The following CNTNAP2 variants were observed in gnomAD, a reference collection of about 807,000 sequenced individuals.
CNTNAP2 encodes contactin-associated protein-like 2.
A neutral mutation model predicts 155.2 loss-of-function variants in CNTNAP2; 98 were observed. That is an observed-to-expected ratio of 0.63 (90% CI 0.54 to 0.75). CNTNAP2 has a LOEUF of 0.75. Ranked by LOEUF, CNTNAP2 falls within the 30% of genes least tolerant of loss-of-function variation. The pLI, the probability that CNTNAP2 is intolerant of heterozygous loss-of-function variation, is 0.00. For synonymous variants in CNTNAP2, 651 were observed against 631.2 expected, an observed-to-expected ratio of 1.03 and a Z score of -0.47; for missense variants, 1,727 against 1,688.1, an observed-to-expected ratio of 1.02 and a Z score of -0.40.
At position 146,966,408 on chromosome 7, in the gene CNTNAP2, A is replaced by G. The variant is rs1797657844; in HGVS notation, c.403-77499A>G. 3.3e-5 allele frequency among the ~76,000 whole-genome samples: 5 copies of G among 152,328 alleles called. No individual in the cohort carries two copies. In the South Asian group the frequency reaches 1.0e-3, roughly 32 times the overall value. On this transcript the variant is annotated intron_variant, in intron 3 of 23. Coordinates refer to ENST00000361727, the MANE Select transcript of CNTNAP2 (RefSeq NM_014141.6). ...GGAATTCTCCTGCCAGGGAGCATTC[A>G]CTGTGCCCAAGAGCTCAGGCTGTGC...
intron 13 of CNTNAP2, among the ~76,000 whole-genome samples, chr7:147,703,859 C>T (rs983522585): frequency 5.9e-5 from 9 of 152,156 alleles, no homozygotes; most frequent in African/African-American, 2.2e-4. Flanking sequence ...CTCGCTCCCC[C>T]ATGCACACAC....
intron 1 of CNTNAP2, among the ~76,000 whole-genome samples, chr7:146,431,022 A>T (rs1012769431): frequency 8.6e-5 from 13 of 151,992 alleles, no homozygotes; most frequent in Non-Finnish European, 7.4e-5. Flanking sequence ...CATATTGAGA[A>T]CTGCTGTAAT....
chr7:147,436,614 G>C (rs919200660), intron 10 of CNTNAP2, among the ~76,000 whole-genome samples: 1 of 152,162 alleles, frequency 6.6e-6, no homozygotes, highest in African/African-American at 2.4e-5. Context: ...TAACAGAAGA[G>C]AGAGGCTGTA....
chr7:146,820,656 G>T (rs1317219204), intron 2 of CNTNAP2, among the ~76,000 whole-genome samples: 1 of 152,108 alleles, frequency 6.6e-6, no homozygotes, highest in South Asian at 2.1e-4. Context: ...ATTTGGGGTG[G>T]AGAGTTCTGT....
At chr7:146,781,393 A>T (rs1223817347) in intron 2 of CNTNAP2, among the ~76,000 whole-genome samples, 8 of 152,094 alleles carry the variant, frequency 5.3e-5, no homozygotes, top group Non-Finnish European at 7.4e-5. Context: ...TTTAATTTTT[A>T]AAAATTAACA....
At chr7:147,290,954 C>T (rs1422656185) in intron 8 of CNTNAP2, among the ~76,000 whole-genome samples, 1 of 152,114 alleles carries the variant, frequency 6.6e-6, no homozygotes, top group Non-Finnish European at 1.5e-5. Context: ...CTGTTCATGA[C>T]ATGCGCAGAT....
At chr7:148,146,658 C>T (rs1381341559) in intron 16 of CNTNAP2, among the ~76,000 whole-genome samples, 1 of 152,178 alleles carries the variant, frequency 6.6e-6, no homozygotes, top group East Asian at 1.9e-4. Flanking sequence ...CGATGTACGA[C>T]AGGGATTATT....
intron 21 of CNTNAP2, among the ~76,000 whole-genome samples, chr7:148,272,288 T>C (rs181706147): frequency 1.3e-5 from 2 of 152,340 alleles, no homozygotes; most frequent in East Asian, 3.9e-4. Context: ...GTTATGTCCA[T>C]CTTTCATCCC....
intron 18 of CNTNAP2, among the ~76,000 whole-genome samples, chr7:148,174,809 C>T (rs1343317067): frequency 6.6e-6 from 1 of 152,062 alleles, no homozygotes; most frequent in East Asian, 1.9e-4. Context: ...GTTACATAAG[C>T]ATACGTGTGC....
At chr7:146,831,359 T>C (rs1388441623) in intron 2 of CNTNAP2, among the ~76,000 whole-genome samples, 2 of 152,096 alleles carry the variant, frequency 1.3e-5, no homozygotes, top group Non-Finnish European at 2.9e-5. Context: ...CTTGGGGTTA[T>C]AATCTGAATT....
At position 147,685,124 on chromosome 7, in the gene CNTNAP2, C is replaced by T. The variant is rs144825245; in HGVS notation, c.2098+45818C>T. ...CAGTGTTTAAAGCTATAAAAGCAAA[C>T]ACAGCAGTGAGGAAATTTTCCCCTG... On this transcript the variant is annotated intron_variant, in intron 13 of 23. Transcript: ENST00000361727. 3.5e-3 allele frequency among the ~76,000 whole-genome samples: 525 copies of T among 152,054 alleles called. 8 individuals carry two copies. The highest frequency in any genetic ancestry group is 0.012 in the African/African-American group (497 of 41,528).
intron 1 of CNTNAP2, among the ~76,000 whole-genome samples, chr7:146,559,643 T>C (rs1300642985): frequency 6.6e-6 from 1 of 151,992 alleles, no homozygotes; most frequent in Non-Finnish European, 1.5e-5. Flanking sequence ...GAATAAGGCA[T>C]TTATAAATTA....
intron 13 of CNTNAP2, among the ~76,000 whole-genome samples, chr7:147,686,051 A>G (rs1161040317): frequency 1.3e-5 from 2 of 152,048 alleles, no homozygotes; most frequent in East Asian, 3.9e-4. Flanking sequence ...GCAATGAAAT[A>G]TTCTACTTAA....
chr7:146,690,097 A>G (rs1212373774), intron 1 of CNTNAP2, among the ~76,000 whole-genome samples: 1 of 152,074 alleles, frequency 6.6e-6, no homozygotes, highest in African/African-American at 2.4e-5. Flanking sequence ...ATTTCACATA[A>G]TTACAGGAAA....
chr7:148,108,702 G>A (rs1473600314), intron 15 of CNTNAP2, among the ~76,000 whole-genome samples: 2 of 152,182 alleles, frequency 1.3e-5, no homozygotes, highest in Non-Finnish European at 2.9e-5. Context: ...GAAGGTGCAG[G>A]GAATGGGGAG....
At chr7:147,118,323 C>T (rs1801030210) in intron 5 of CNTNAP2, among the ~76,000 whole-genome samples, 1 of 151,970 alleles carries the variant, frequency 6.6e-6, no homozygotes, top group East Asian at 1.9e-4. Flanking sequence ...AAGAAATGAC[C>T]ACTAGGATTT....
intron 1 of CNTNAP2, among the ~76,000 whole-genome samples, chr7:146,289,103 C>T (rs938337033): frequency 1.3e-5 from 2 of 152,126 alleles, no homozygotes; most frequent in Admixed American, 6.5e-5. Context: ...CGCGCCCTGG[C>T]AGATGAATAC....
chr7:148,262,748 A>G (rs1796586959), intron 20 of CNTNAP2, among the ~76,000 whole-genome samples: 2 of 152,140 alleles, frequency 1.3e-5, no homozygotes, highest in Admixed American at 1.3e-4. Flanking sequence ...ACGCGCTCTC[A>G]GGTCCTGAGA....
At chr7:146,718,577 AG>A (rs1425366267) in intron 1 of CNTNAP2, among the ~76,000 whole-genome samples, 1 of 152,186 alleles carries the variant, frequency 6.6e-6, no homozygotes, top group Non-Finnish European at 1.5e-5. Flanking sequence ...GATTAAAAAT[AG>A]TGTTTTAATT....
Sources: gnomAD v4.1 joint callset for allele counts (sites outside exome capture counted in the v4.1 genomes callset) on GRCh38, gnomAD v4.1.1 for gene constraint, MANE v1.5 for transcripts, NCBI Gene and HGNC (gene_info 2026-07-23, HGNC 2026-07-21) for gene names.